Variants in NTRK3 observed in about 807,000 individuals in gnomAD.
NTRK3 encodes the protein NT-3 growth factor receptor.
NTRK3 carries 24 observed loss-of-function variants against 91.7 expected under a neutral mutation model. The ratio of observed to expected loss-of-function variants is 0.26; its 90% CI spans 0.19 to 0.37. The LOEUF is 0.37. NTRK3 is among the 10% of genes least tolerant of loss of function. The probability of loss-of-function intolerance (pLI) is 1.00; values close to 1 mark genes in which losing one functional copy is unlikely to be tolerated. For missense variants in NTRK3, 880 were observed against 1,068.9 expected, an observed-to-expected ratio of 0.82 and a Z score of 2.46; for synonymous variants, 483 against 404.0, an observed-to-expected ratio of 1.20 and a Z score of -2.34.
intron 14 of NTRK3, chr15:87,979,246 A>C: frequency 1.1e-6 from 1 of 909,928 alleles, no homozygotes; most frequent in Non-Finnish European, 1.9e-6. Context: ...TCTACTTAGC[A>C]TCCCTGGATC....
At chr15:88,157,972 G>C (rs1385651254) in intron 5 of NTRK3, among the ~76,000 whole-genome samples, 1 of 152,208 alleles carries the variant, frequency 6.6e-6, no homozygotes, top group Non-Finnish European at 1.5e-5. Context: ...CTGATCCTTA[G>C]TGTTGCAGGA....
At chr15:88,074,431 GC>G (rs1419117711) in intron 13 of NTRK3, among the ~76,000 whole-genome samples, 1 of 152,128 alleles carries the variant, frequency 6.6e-6, no homozygotes, top group Non-Finnish European at 1.5e-5. Flanking sequence ...AATTTAAATT[GC>G]CCACACACGG....
chr15:87,884,889 C>A (rs370097825), intron 17 of NTRK3, among the ~76,000 whole-genome samples: 2 of 151,700 alleles, frequency 1.3e-5, no homozygotes, highest in African/African-American at 2.4e-5. Flanking sequence ...TATCTTCTAT[C>A]ACGAATTTTA....
chr15:87,880,165 G>A (rs1471690461), intron 18 of NTRK3, 105 bp downstream of exon 19: 7 of 1,434,004 alleles, frequency 4.9e-6, no homozygotes, highest in Middle Eastern at 4.6e-4. Flanking sequence ...CACTCTGCTG[G>A]CTCTAAATCC....
intron 17 of NTRK3, chr15:87,916,562 T>A (rs1327479664): frequency 1.4e-6 from 1 of 702,252 alleles, no homozygotes; most frequent in Non-Finnish European, 2.6e-6. Flanking sequence ...CTGCACAACC[T>A]TCAATGAGAG....
intron 3 of NTRK3, among the ~76,000 whole-genome samples, chr15:88,229,303 T>C (rs2050964400): frequency 6.6e-6 from 1 of 152,178 alleles, no homozygotes; most frequent in South Asian, 2.1e-4. Context: ...TTACATGACT[T>C]ATCCAACATC....
intron 5 of NTRK3, among the ~76,000 whole-genome samples, chr15:88,167,325 G>A (rs922974156): frequency 1.3e-5 from 2 of 152,130 alleles, no homozygotes; most frequent in African/African-American, 2.4e-5. Context: ...GCAGCATCAC[G>A]ACTCTGAGGT....
At chr15:88,208,536 T>G (rs546199943) in intron 3 of NTRK3, among the ~76,000 whole-genome samples, 1 of 152,228 alleles carries the variant, frequency 6.6e-6, no homozygotes, top group African/African-American at 2.4e-5. Context: ...GGGTCTGAGA[T>G]TCTGCATTTT....
intron 17 of NTRK3, among the ~76,000 whole-genome samples, chr15:87,909,762 A>G (rs556618086): frequency 6.3e-4 from 96 of 152,312 alleles, no homozygotes; most frequent in African/African-American, 2.2e-3. Flanking sequence ...CCCTAATCCA[A>G]TAGGACTGGG....
chr15:88,196,099 C>T (rs1304103006), intron 3 of NTRK3, among the ~76,000 whole-genome samples: 4 of 152,180 alleles, frequency 2.6e-5, no homozygotes, highest in South Asian at 4.1e-4. Context: ...GCAATATTTT[C>T]GCCCATTAAA....
chr15:88,081,905 T>G (rs12910710), intron 13 of NTRK3, among the ~76,000 whole-genome samples: 4 of 152,200 alleles, frequency 2.6e-5, no homozygotes, highest in African/African-American at 9.7e-5. Flanking sequence ...GCCCTCTGTG[T>G]CACCAAAACC....
At position 88,136,052 on chromosome 15, in the gene NTRK3, AAT is replaced by A. The variant is rs961956994; in HGVS notation, c.766-14_766-13del. 1 of 1,614,198 alleles carries A rather than the reference AAT, an allele frequency of 6.2e-7. No homozygotes were observed. The highest frequency in any genetic ancestry group is 8.5e-7 in the Non-Finnish European group (1 of 1,180,022). ...CAGTTCAGATTGGTCTGAAAACCCC[AAT>A]AAAAAGATAACAATCAGATAGCTTC... On this transcript the variant is annotated splice_polypyrimidine_tract_variant and intron_variant, in intron 8 of 18. Transcript: ENST00000394480.
chr15:88,157,928 C>G (rs1051891537), intron 5 of NTRK3, among the ~76,000 whole-genome samples: 2 of 152,160 alleles, frequency 1.3e-5, no homozygotes, highest in African/African-American at 4.8e-5. Flanking sequence ...AGGGATCCTC[C>G]CCTCTTGGCC....
At chr15:87,865,666 A>G (rs2064650478) in exon 19 of NTRK3, 1 of 220,202 alleles carries the variant, frequency 4.5e-6, no homozygotes, top group East Asian at 6.7e-5. Context: ...TTTACAAAGC[A>G]TTATGTTGAA....
At chr15:88,008,436 A>G (rs567178831) in intron 14 of NTRK3, among the ~76,000 whole-genome samples, 1 of 152,042 alleles carries the variant, frequency 6.6e-6, no homozygotes, top group African/African-American at 2.4e-5. Context: ...AAGCTGGCAG[A>G]CCCCACACAA....
chr15:88,070,217 T>A (rs1402506534), intron 13 of NTRK3, among the ~76,000 whole-genome samples: 2 of 151,988 alleles, frequency 1.3e-5, no homozygotes, highest in African/African-American at 4.8e-5. Flanking sequence ...TAGAAGGAGA[T>A]CTAGGAAGTA....
intron 13 of NTRK3, among the ~76,000 whole-genome samples, chr15:88,076,672 T>TAAAAAAAAAAAAAAAAAAAAAA (rs34053167): frequency 8.3e-6 from 1 of 120,410 alleles, no homozygotes; most frequent in African/African-American, 3.0e-5. Flanking sequence ...TATACATATG[T>TAAAAAAAAAAAAAAAAAAAAAA]AAAAAAAAAA....
At chr15:87,951,396 G>A (rs187799140) in intron 14 of NTRK3, among the ~76,000 whole-genome samples, 9 of 152,284 alleles carry the variant, frequency 5.9e-5, no homozygotes, top group Admixed American at 5.2e-4. Flanking sequence ...AGTGGTGTTG[G>A]CAAAGACCAG....
intron 13 of NTRK3, among the ~76,000 whole-genome samples, chr15:88,113,639 T>G (rs2051700382): frequency 6.6e-6 from 1 of 152,096 alleles, no homozygotes; most frequent in African/African-American, 2.4e-5. Context: ...AAGGGTAACA[T>G]GAAACTATGG....
Sources: allele counts gnomAD v4.1 joint callset (sites outside exome capture counted in the v4.1 genomes callset), GRCh38; gene constraint gnomAD v4.1.1; transcripts MANE v1.5; gene names NCBI Gene and HGNC (gene_info 2026-07-23, HGNC 2026-07-21).